Variants in CDS2 observed in about 807,000 individuals in gnomAD.
The protein encoded by CDS2 is CDP-diacylglycerol synthase 2.
A neutral mutation model predicts 59.0 loss-of-function variants in CDS2; 47 were observed. The observed-to-expected ratio is 0.80, with a 90% confidence interval of 0.63 to 1.02. The LOEUF (loss-of-function observed/expected upper bound fraction) is 1.02. Ranked by LOEUF, CDS2 falls within the 50% of genes least tolerant of loss-of-function variation. The pLI is 0.00. For missense variants in CDS2, 356 were observed against 558.9 expected, an observed-to-expected ratio of 0.64 and a Z score of 3.66; for synonymous variants, 207 against 206.4, an observed-to-expected ratio of 1.00 and a Z score of -0.02.
chr20:5,136,617 C>T (rs2090651992), intron 1 of CDS2, among the ~76,000 whole-genome samples: 1 of 152,176 alleles, frequency 6.6e-6, no homozygotes, highest in South Asian at 2.1e-4. Context: ...TGAGCTCCCT[C>T]CTGTTAGGAT....
At chr20:5,129,433 C>T (rs189106141) in intron 1 of CDS2, among the ~76,000 whole-genome samples, 72 of 150,662 alleles carry the variant, frequency 4.8e-4, no homozygotes, top group African/African-American at 1.7e-3. Flanking sequence ...TCCGCCACCA[C>T]GCTCGGCTAA....
intron 1 of CDS2, among the ~76,000 whole-genome samples, chr20:5,141,390 G>C (rs1325915446): frequency 6.6e-6 from 1 of 152,086 alleles, no homozygotes; most frequent in African/African-American, 2.4e-5. Flanking sequence ...TAGAGGACAG[G>C]GTTCAGGGAA....
intron 2 of CDS2, 151 bp from the exon 3 acceptor site, chr20:5,175,032 G>C: frequency 1.6e-6 from 1 of 634,882 alleles, no homozygotes; most frequent in Middle Eastern, 4.0e-4. Context: ...GCTCCTGCCA[G>C]CATGTGGCTG....
chr20:5,164,628 G>A lies in CDS2; in HGVS notation c.58-8895G>A, dbSNP rs868258471. On this transcript the variant is annotated intron_variant, in intron 1 of 12. Transcript: ENST00000460006. ...TGGGAGAGCTTTATCTTAATAAACT[G>A]AAAAAAAAAAAAAATTCCTTCCTTC... Among the ~76,000 whole-genome samples the A allele has an allele frequency of 1.2e-3, 169 of 142,790 alleles. 1 individual carries two copies. Among genetic ancestry groups the A allele is most frequent in the African/African-American group, 3.6e-3 (137 of 38,516 alleles). The allele number at this position is 142,790 out of a possible 152,430, so 93.7% of individuals were successfully genotyped here. A position where few individuals can be genotyped will look rare whatever the true frequency, so the allele number is the denominator to read the frequency against.
chr20:5,191,218 T>TA lies in CDS2; in HGVS notation c.*985dup, dbSNP rs2091112145. ...TTTGTTTTAAAAGTCACTTATTTCT[T>TA]ACAGTGATTTCAATTGCACCATGAC... On this transcript the variant is annotated 3_prime_UTR_variant, in exon 13 of 13. Coordinates refer to ENST00000460006, the MANE Select transcript of CDS2 (RefSeq NM_003818.4). 2 of 152,714 alleles carry TA rather than the reference T, an allele frequency of 1.3e-5. No homozygotes were observed. Among genetic ancestry groups the TA allele is most frequent in the Admixed American group, 6.5e-5 (1 of 15,304 alleles). The allele number at this position is 152,714 out of a possible 1,614,324, so 9.5% of individuals were successfully genotyped here. A position where few individuals can be genotyped will look rare whatever the true frequency, so the allele number is the denominator to read the frequency against.
chr20:5,161,580 T>C (rs2090877136), intron 1 of CDS2, among the ~76,000 whole-genome samples: 1 of 152,274 alleles, frequency 6.6e-6, no homozygotes, highest in Non-Finnish European at 1.5e-5. Context: ...TAATCCAGTA[T>C]AGACATAGTT....
chr20:5,154,231 T>G (rs2090815282), intron 1 of CDS2, among the ~76,000 whole-genome samples: 1 of 152,204 alleles, frequency 6.6e-6, no homozygotes, highest in Non-Finnish European at 1.5e-5. Flanking sequence ...ACCTGGAAAC[T>G]TTTTCCCCAG....
At chr20:5,186,910 C>T (rs1425077404) in intron 10 of CDS2, 71 bp downstream of exon 10, 101 of 1,546,640 alleles carry the variant, frequency 6.5e-5, no homozygotes, top group Non-Finnish European at 8.8e-5. Flanking sequence ...CCCTCCATCA[C>T]CTGCCCTCTG....
At chr20:5,174,057 G>T (rs536078302) in intron 2 of CDS2, among the ~76,000 whole-genome samples, 1 of 152,202 alleles carries the variant, frequency 6.6e-6, no homozygotes, top group Non-Finnish European at 1.5e-5. Flanking sequence ...TTCCAGTTCA[G>T]AGTTTAGTTT....
At chr20:5,185,512 G>A (rs2091060945) in intron 8 of CDS2, among the ~76,000 whole-genome samples, 1 of 152,164 alleles carries the variant, frequency 6.6e-6, no homozygotes, top group Admixed American at 6.5e-5. Flanking sequence ...TTTGAGTGTA[G>A]TCACTTAATT....
intron 1 of CDS2, among the ~76,000 whole-genome samples, chr20:5,138,915 A>G (rs1401525799): frequency 1.3e-5 from 2 of 152,204 alleles, no homozygotes; most frequent in East Asian, 3.9e-4. Context: ...TGAAATCTGT[A>G]TGGGATCACA....
intron 9 of CDS2, among the ~76,000 whole-genome samples, chr20:5,186,268 C>T (rs952636627): frequency 2.0e-5 from 3 of 152,176 alleles, no homozygotes; most frequent in Admixed American, 6.5e-5. Flanking sequence ...CAGTGCTCAC[C>T]GCCCAGCTTT....
At chr20:5,134,556 T>C (rs953515704) in intron 1 of CDS2, among the ~76,000 whole-genome samples, 3 of 152,202 alleles carry the variant, frequency 2.0e-5, no homozygotes, top group African/African-American at 7.2e-5. Context: ...GTTTCTCTCT[T>C]GTTGCCCAGG....
At chr20:5,152,639 A>C (rs1481675279) in intron 1 of CDS2, among the ~76,000 whole-genome samples, 1 of 152,190 alleles carries the variant, frequency 6.6e-6, no homozygotes, top group Non-Finnish European at 1.5e-5. Flanking sequence ...GCTACTCGGG[A>C]GGCTGAGGCA....
At position 5,182,455 on chromosome 20, in the gene CDS2, A is replaced by AT. The variant is rs770175091; in HGVS notation, c.588+11dup. ...ACTGCAGTTCTACATGGTAAAGGAA[A>AT]TGCATGCGTGTGTGTCAGAATTCTT... is the stretch of plus-strand genomic sequence containing the variant. On this transcript the variant is annotated intron_variant, in intron 6 of 12. Transcript: ENST00000460006. 4 of 1,608,414 alleles carry AT rather than the reference A, an allele frequency of 2.5e-6. No individual in the cohort carries two copies. The South Asian group carries it at 3.3e-5, about 13-fold the overall frequency.
At chr20:5,164,287 C>A (rs1314390233) in intron 1 of CDS2, among the ~76,000 whole-genome samples, 2 of 152,094 alleles carry the variant, frequency 1.3e-5, no homozygotes, top group African/African-American at 4.8e-5. Context: ...TGGTAAACAG[C>A]CCCAGGGTGC....
At chr20:5,168,000 C>A (rs563873886) in intron 1 of CDS2, among the ~76,000 whole-genome samples, 24 of 152,234 alleles carry the variant, frequency 1.6e-4, no homozygotes, top group African/African-American at 4.6e-4. Flanking sequence ...AGAAGAAAAG[C>A]TGAATGATGG....
intron 1 of CDS2, chr20:5,128,301 C>G (rs986569241): frequency 6.6e-6 from 1 of 152,146 alleles, no homozygotes; most frequent in Non-Finnish European, 1.5e-5. Flanking sequence ...ACGCAACGGA[C>G]ATTAGGGAGA....
At chr20:5,162,632 C>G (rs1414550148) in intron 1 of CDS2, among the ~76,000 whole-genome samples, 1 of 152,008 alleles carries the variant, frequency 6.6e-6, no homozygotes, top group Non-Finnish European at 1.5e-5. Context: ...GTTGGAGATA[C>G]AAATGTTGGG....
Sources: gnomAD v4.1 joint callset for allele counts (sites outside exome capture counted in the v4.1 genomes callset) on GRCh38, gnomAD v4.1.1 for gene constraint, MANE v1.5 for transcripts, NCBI Gene and HGNC (gene_info 2026-07-23, HGNC 2026-07-21) for gene names.